The following MMP26 variants were observed in gnomAD, a reference collection of about 807,000 sequenced individuals.
The protein encoded by MMP26 is matrix metallopeptidase 26, also known as matrix metalloproteinase-26.
A neutral mutation model predicts 31.0 loss-of-function variants in MMP26; 33 were observed. The observed-to-expected ratio is 1.06, with a 90% confidence interval of 0.81 to 1.42. The LOEUF (loss-of-function observed/expected upper bound fraction) is 1.42, where lower values mean the gene tolerates loss of function less well. Ranked by LOEUF, MMP26 falls within the 40% of genes most tolerant of loss-of-function variation. The probability of loss-of-function intolerance (pLI) is 0.00; values close to 1 mark genes in which losing one functional copy is unlikely to be tolerated. For missense variants in MMP26, 347 were observed against 316.1 expected (o/e 1.10, Z -0.74); for synonymous variants, 122 against 114.9 (o/e 1.06, Z -0.40).
chr11:4,992,268 C>T lies in MMP26; in HGVS notation c.*26C>T. The T allele has an allele frequency of 3.1e-6, 5 of 1,603,876 alleles. No individual in the cohort carries two copies. Among genetic ancestry groups the T allele is most frequent in the South Asian group, 1.1e-5 (1 of 89,746 alleles). On this transcript the variant is annotated 3_prime_UTR_variant, in exon 8 of 8. Coordinates refer to ENST00000380390, the MANE Select transcript of MMP26 (RefSeq NM_021801.5). ...TGTTAGCACAGAGGACTTATTCAACCTGTCCTTTCAGGGAGTTTATTGGAG... is the reference window on the plus strand; with the variant it reads ...TGTTAGCACAGAGGACTTATTCAACTTGTCCTTTCAGGGAGTTTATTGGAG...
intron 2 of MMP26, among the ~76,000 whole-genome samples, chr11:4,955,914 T>C (rs1286924949): frequency 2.0e-5 from 3 of 152,208 alleles, no homozygotes. Flanking sequence ...GGGTAATACT[T>C]TAGAGTAGAA....
At chr11:4,756,997 G>A (rs1217310892) in intron 1 of MMP26, among the ~76,000 whole-genome samples, 2 of 151,710 alleles carry the variant, frequency 1.3e-5, no homozygotes, top group African/African-American at 4.8e-5. Context: ...TTTTTTTTCT[G>A]TAAAAACTGA....
intron 2 of MMP26, among the ~76,000 whole-genome samples, chr11:4,843,801 C>T (rs1849829757): frequency 6.6e-6 from 1 of 152,180 alleles, no homozygotes; most frequent in Non-Finnish European, 1.5e-5. Context: ...GGTCAGGCTG[C>T]AAATTTCCCA....
intron 1 of MMP26, among the ~76,000 whole-genome samples, chr11:4,716,891 G>C (rs1331077964): frequency 6.6e-6 from 1 of 151,920 alleles, no homozygotes; most frequent in Non-Finnish European, 1.5e-5. Context: ...TCAAACTCCT[G>C]ACCTCAGTTG....
chr11:4,745,651 G>T (rs924131176), intron 1 of MMP26, among the ~76,000 whole-genome samples: 1 of 152,118 alleles, frequency 6.6e-6, no homozygotes, highest in Non-Finnish European at 1.5e-5. Flanking sequence ...TTTACTGTTG[G>T]TGTTGTATGT....
chr11:4,798,097 C>T (rs1849131333), intron 2 of MMP26, among the ~76,000 whole-genome samples: 1 of 152,208 alleles, frequency 6.6e-6, no homozygotes, highest in African/African-American at 2.4e-5. Context: ...CTTCCCAAAA[C>T]TAGAGAATTT....
chr11:4,965,848 A>C (rs1846585765), intron 2 of MMP26, among the ~76,000 whole-genome samples: 1 of 152,194 alleles, frequency 6.6e-6, no homozygotes, highest in South Asian at 2.1e-4. Flanking sequence ...TCCTATACTT[A>C]TATGCAAATT....
chr11:4,979,625 AC>A (rs1326436698), intron 2 of MMP26, among the ~76,000 whole-genome samples: 1 of 152,070 alleles, frequency 6.6e-6, no homozygotes, highest in Non-Finnish European at 1.5e-5. Flanking sequence ...CAAATACCAT[AC>A]CCCAGGGTGG....
chr11:4,955,758 A>T lies in MMP26; in HGVS notation c.-144-32310A>T, dbSNP rs761692777. 2.6e-6 allele frequency: 4 copies of T among 1,548,622 alleles called. No homozygotes were observed. In the East Asian group the frequency reaches 9.0e-5, roughly 35 times the overall value. On this transcript the variant is annotated intron_variant, in intron 2 of 7. Transcript: ENST00000380390. ...GCTATGAAAAATACAGATACACCTG[A>T]CCTCAGGTGATCCGCTTGCTTGTGT... is the stretch of plus-strand genomic sequence containing the variant.
At position 4,705,219 on chromosome 11, in the gene MMP26, T is replaced by A. The variant is rs192567984; in HGVS notation, c.-217+174T>A. ...ATATCGTTGTAGCGTTCAAAATAGTTATTCCAAATATAGACTACAGTCATC... is the reference window on the plus strand; with the variant it reads ...ATATCGTTGTAGCGTTCAAAATAGTAATTCCAAATATAGACTACAGTCATC... On this transcript the variant is annotated intron_variant, in intron 1 of 7. Coordinates refer to ENST00000380390, the MANE Select transcript of MMP26 (RefSeq NM_021801.5). 9.8e-5 allele frequency among the ~76,000 whole-genome samples: 15 copies of A among 152,318 alleles called. No individual in the cohort carries two copies. The East Asian group carries it at 2.9e-3, about 29-fold the overall frequency.
At chr11:4,908,315 G>A (rs761779070) in intron 2 of MMP26, 11 of 1,607,878 alleles carry the variant, frequency 6.8e-6, no homozygotes, top group Non-Finnish European at 3.4e-6. Context: ...ATAAGAACTT[G>A]AACAATTAGG....
At chr11:4,784,447 AATT>A (rs1276071459) in intron 2 of MMP26, among the ~76,000 whole-genome samples, 4 of 152,176 alleles carry the variant, frequency 2.6e-5, no homozygotes, top group Non-Finnish European at 4.4e-5. Context: ...TTGCAGATAT[AATT>A]ATGGTAATGA....
At chr11:4,743,506 A>G (rs1259464534) in intron 1 of MMP26, among the ~76,000 whole-genome samples, 1 of 152,156 alleles carries the variant, frequency 6.6e-6, no homozygotes, top group Non-Finnish European at 1.5e-5. Context: ...GTTAACTGAC[A>G]TGTCCATCTT....
chr11:4,712,722 C>T (rs763518374), intron 1 of MMP26, among the ~76,000 whole-genome samples: 10 of 151,866 alleles, frequency 6.6e-5, no homozygotes, highest in South Asian at 2.1e-4. Context: ...TATAGTTATA[C>T]GTACCTTAAT....
In MMP26 at chr11:4,849,172, T is replaced by C. The variant is rs376921733; in HGVS notation, c.-145+81831T>C. On this transcript the variant is annotated intron_variant, in intron 2 of 7. Coordinates refer to ENST00000380390, the MANE Select transcript of MMP26 (RefSeq NM_021801.5). ...AAGAAGGTGGGGGCCATTGAAGTGC[T>C]GCTATTGGGGGCTATCTGAGTTGGT... 3.0e-5 allele frequency: 49 copies of C among 1,613,256 alleles called. No homozygotes were observed. In the African/African-American group the frequency reaches 6.4e-4, roughly 21 times the overall value.
At chr11:4,709,784 C>T (rs529669529) in intron 1 of MMP26, 16 of 458,208 alleles carry the variant, frequency 3.5e-5, no homozygotes, top group South Asian at 2.3e-4. Flanking sequence ...CCTTCATGGA[C>T]CTAGGTCTGT....
intron 2 of MMP26, among the ~76,000 whole-genome samples, chr11:4,873,677 A>G (rs1456704892): frequency 6.6e-6 from 1 of 152,086 alleles, no homozygotes; most frequent in East Asian, 1.9e-4. Context: ...CCAAGTTTTT[A>G]GATAATACAT....
At chr11:4,853,318 A>G (rs1444427282) in intron 2 of MMP26, among the ~76,000 whole-genome samples, 4 of 152,230 alleles carry the variant, frequency 2.6e-5, no homozygotes, top group Non-Finnish European at 5.9e-5. Flanking sequence ...AGGTATACAT[A>G]TATCAAAACA....
rs1309728504 is a variant in MMP26, at chr11:4,856,289, C to G, written c.-145+88948C>G. 2.6e-4 allele frequency among the ~76,000 whole-genome samples: 39 copies of G among 151,890 alleles called. 1 individual carries two copies. The highest frequency in any genetic ancestry group is 2.4e-3 in the Admixed American group (37 of 15,256). ...GACACAGACTGGCAAATTGGATAAA[C>G]AGTCAAGACCCATCAGTGTGCTGTA... On this transcript the variant is annotated intron_variant, in intron 2 of 7. Transcript: ENST00000380390.
Sources: gnomAD v4.1 joint callset for allele counts (sites outside exome capture counted in the v4.1 genomes callset) on GRCh38, gnomAD v4.1.1 for gene constraint, MANE v1.5 for transcripts, NCBI Gene and HGNC (gene_info 2026-07-23, HGNC 2026-07-21) for gene names.